PXDNL: variants seen among roughly 807,000 people sequenced by gnomAD.
PXDNL encodes peroxidasin like, also known as probable oxidoreductase PXDNL.
A neutral mutation model predicts 150.8 loss-of-function variants in PXDNL; 145 were observed. That is an observed-to-expected ratio of 0.96 (90% CI 0.84 to 1.10). The LOEUF is 1.10. Ranked by LOEUF, PXDNL falls within the 50% of genes least tolerant of loss-of-function variation. The pLI is 0.00. For synonymous variants in PXDNL, 757 were observed against 725.7 expected (o/e 1.04, Z -0.69); for missense variants, 2,087 against 1,873.9 (o/e 1.11, Z -2.10).
intron 1 of PXDNL, among the ~76,000 whole-genome samples, chr8:51,660,005 T>C (rs772604546): frequency 6.6e-6 from 1 of 151,948 alleles, no homozygotes; most frequent in Non-Finnish European, 1.5e-5. Flanking sequence ...TTCTCCTGCC[T>C]TAGCCCCCTG....
intron 17 of PXDNL, among the ~76,000 whole-genome samples, chr8:51,388,195 T>C (rs1807780836): frequency 6.6e-6 from 1 of 152,192 alleles, no homozygotes; most frequent in Admixed American, 6.5e-5. Context: ...GGCTCTGTTT[T>C]GATATTGGCT....
intron 19 of PXDNL, among the ~76,000 whole-genome samples, chr8:51,348,704 C>T (rs1352844229): frequency 1.3e-5 from 2 of 152,114 alleles, no homozygotes; most frequent in African/African-American, 4.8e-5. Flanking sequence ...AAGCTCTGTT[C>T]TTAGGCTTTA....
intron 1 of PXDNL, among the ~76,000 whole-genome samples, chr8:51,766,209 A>G (rs974061800): frequency 1.8e-4 from 28 of 152,170 alleles, no homozygotes; most frequent in Admixed American, 1.2e-3. Flanking sequence ...TTGCATTAAT[A>G]CCACCTTAGT....
intron 21 of PXDNL, among the ~76,000 whole-genome samples, chr8:51,325,400 T>C (rs1192489337): frequency 6.6e-6 from 1 of 152,180 alleles, no homozygotes; most frequent in African/African-American, 2.4e-5. Flanking sequence ...GGAATAGAAG[T>C]CCAGGTTCCC....
At chr8:51,421,919 A>T (rs1808965936) in intron 14 of PXDNL, among the ~76,000 whole-genome samples, 1 of 152,192 alleles carries the variant, frequency 6.6e-6, no homozygotes, top group African/African-American at 2.4e-5. Context: ...ATCCTATGAC[A>T]GAGGTCCCCA....
Position 51,409,221 on chromosome 8 carries a change from G to C in PXDNL, c.2403C>G (p.Arg801=). 1 of 1,564,376 alleles carries C rather than the reference G, an allele frequency of 6.4e-7. No homozygotes were observed. Among genetic ancestry groups the C allele is most frequent in the Non-Finnish European group, 8.6e-7 (1 of 1,160,284 alleles). ...GAAACCAGCCCCAGTGCATGAGCAT[G>C]CGCGTGTAGCTGTGGTCGGGGGTGA... ...AAVTPDHSYT[R]MLMHWGWFLE... Residue 801 remains arginine (R), a synonymous_variant, in exon 17 of 23, where the codon CGC becomes CGG. Coordinates refer to ENST00000356297, the MANE Select transcript of PXDNL (RefSeq NM_144651.5).
At chr8:51,382,803 T>C (rs1807589779) in intron 17 of PXDNL, among the ~76,000 whole-genome samples, 1 of 152,186 alleles carries the variant, frequency 6.6e-6, no homozygotes, top group African/African-American at 2.4e-5. Context: ...CAGATTTATG[T>C]CTATGAACTA....
intron 1 of PXDNL, among the ~76,000 whole-genome samples, chr8:51,703,896 A>T (rs1050355129): frequency 1.3e-5 from 2 of 152,208 alleles, no homozygotes; most frequent in Non-Finnish European, 2.9e-5. Context: ...TGTTTTCCAG[A>T]GCAAAGCAGT....
chr8:51,639,191 C>T (rs919523669), intron 2 of PXDNL, among the ~76,000 whole-genome samples: 11 of 152,190 alleles, frequency 7.2e-5, no homozygotes, highest in African/African-American at 2.4e-4. Context: ...CTCTGGGACA[C>T]ATTTAAAGCA....
chr8:51,577,999 G>GAGGAAGGA (rs200324232), intron 3 of PXDNL, among the ~76,000 whole-genome samples: 468 of 31,480 alleles, frequency 0.015, 24 homozygotes, highest in Middle Eastern at 0.032. Context: ...AAGAAAGAAA[G>GAGGAAGGA]AGGAAGGAAG....
chr8:51,338,860 A>G (rs944698373), intron 21 of PXDNL, among the ~76,000 whole-genome samples: 1 of 152,242 alleles, frequency 6.6e-6, no homozygotes, highest in African/African-American at 2.4e-5. Context: ...CAACTTTGTC[A>G]GAAAAAGAAA....
intron 1 of PXDNL, among the ~76,000 whole-genome samples, chr8:51,687,692 G>A (rs147662680): frequency 5.3e-4 from 80 of 152,296 alleles, no homozygotes; most frequent in African/African-American, 1.7e-3. Flanking sequence ...GGAACTCATC[G>A]TCCAATGCAG....
At chr8:51,706,492 T>C (rs1264760764) in intron 1 of PXDNL, among the ~76,000 whole-genome samples, 1 of 152,122 alleles carries the variant, frequency 6.6e-6, no homozygotes, top group Non-Finnish European at 1.5e-5. Context: ...CCACAGTAGA[T>C]TTTGTGAGAG....
In PXDNL at chr8:51,409,437, G is replaced by T. The variant is rs771551052; in HGVS notation, c.2187C>A (p.Ala729=). The T allele has an allele frequency of 6.2e-6, 10 of 1,612,440 alleles. No individual in the cohort carries two copies. The African/African-American group carries it at 1.2e-4, about 19-fold the overall frequency. Residue 729 remains alanine (A), a synonymous_variant, in exon 17 of 23, where the codon GCC becomes GCA. Transcript: ENST00000356297. ...GCAGGTTGTTGCACGTGCCGTCGTG[G>T]GCGCGGTACTTCGCATGGAAACACC... ...SNRCFHAKYR[A]HDGTCNNLQQ...
intron 12 of PXDNL, among the ~76,000 whole-genome samples, chr8:51,433,016 C>T (rs1809293060): frequency 6.6e-6 from 1 of 152,066 alleles, no homozygotes; most frequent in South Asian, 2.1e-4. Flanking sequence ...TTGAGACCAG[C>T]CTGGCCAACA....
chr8:51,426,565 G>T, intron 13 of PXDNL, 81 bp downstream of exon 13: 1 of 749,744 alleles, frequency 1.3e-6, no homozygotes, highest in Non-Finnish European at 2.2e-6. Context: ...AAATCAATAT[G>T]AGAATCATTA....
chr8:51,492,609 T>C (rs1202671670), intron 5 of PXDNL, among the ~76,000 whole-genome samples: 1 of 152,140 alleles, frequency 6.6e-6, no homozygotes, highest in Admixed American at 6.5e-5. Flanking sequence ...CCAATAGTCT[T>C]AGCAAATGGC....
At chr8:51,644,410 G>A (rs1182712422) in intron 2 of PXDNL, among the ~76,000 whole-genome samples, 204 of 45,376 alleles carry the variant, frequency 4.5e-3, no homozygotes, top group African/African-American at 0.017. Context: ...ATACACATGT[G>A]TGTGTATATA....
chr8:51,385,524 T>G (rs1316511761), intron 17 of PXDNL, among the ~76,000 whole-genome samples: 1 of 152,176 alleles, frequency 6.6e-6, no homozygotes, highest in Non-Finnish European at 1.5e-5. Flanking sequence ...TTCCCTGAGT[T>G]TTCTAGCCAC....
Sources: gnomAD v4.1 joint callset for allele counts (sites outside exome capture counted in the v4.1 genomes callset) on GRCh38, gnomAD v4.1.1 for gene constraint, MANE v1.5 for transcripts, NCBI Gene and HGNC (gene_info 2026-07-23, HGNC 2026-07-21) for gene names.